Variants in GLIS3 observed in about 807,000 individuals in gnomAD.
The protein encoded by GLIS3 is GLIS family zinc finger 3, also known as zinc finger protein GLIS3.
A neutral mutation model predicts 78.6 loss-of-function variants in GLIS3; 53 were observed. That is an observed-to-expected ratio of 0.67 (90% CI 0.54 to 0.85). GLIS3 has a LOEUF of 0.85. Among genes scored for constraint, GLIS3 ranks in the 40% least tolerant of loss-of-function variants. The pLI is 0.00. For missense variants in GLIS3, 1,703 were observed against 1,231.1 expected (o/e 1.38, Z -5.74); for synonymous variants, 684 against 509.9 (o/e 1.34, Z -4.60).
chr9:4,242,820 A>C (rs959888199), intron 2 of GLIS3, among the ~76,000 whole-genome samples: 1 of 152,226 alleles, frequency 6.6e-6, no homozygotes, highest in Non-Finnish European at 1.5e-5. Flanking sequence ...ATAGTATTTT[A>C]GATAAAAATG....
intron 2 of GLIS3, among the ~76,000 whole-genome samples, chr9:4,218,558 G>A (rs1036831423): frequency 5.3e-5 from 8 of 152,318 alleles, no homozygotes; most frequent in South Asian, 2.1e-4. Context: ...GATTACAGGC[G>A]TGAGCCACCG....
intron 4 of GLIS3, among the ~76,000 whole-genome samples, chr9:4,010,973 A>C (rs554812471): frequency 5.3e-5 from 8 of 152,270 alleles, no homozygotes; most frequent in African/African-American, 1.9e-4. Flanking sequence ...ATTTATTTTT[A>C]AAAAATTGCA....
At chr9:3,941,288 C>G (rs747993105) in intron 4 of GLIS3, among the ~76,000 whole-genome samples, 3 of 152,040 alleles carry the variant, frequency 2.0e-5, no homozygotes, top group African/African-American at 7.2e-5. Context: ...CACAGCAGGG[C>G]AAAAAGGACA....
intron 2 of GLIS3, among the ~76,000 whole-genome samples, chr9:4,325,210 C>A (rs906250697): frequency 6.6e-6 from 1 of 152,160 alleles, no homozygotes; most frequent in South Asian, 2.1e-4. Context: ...CAAATACAAT[C>A]ACATTTTTTC....
intron 4 of GLIS3, among the ~76,000 whole-genome samples, chr9:4,094,859 C>T (rs1193532865): frequency 6.6e-6 from 1 of 152,038 alleles, no homozygotes; most frequent in African/African-American, 2.4e-5. Flanking sequence ...AAGATATTTG[C>T]TATATATCAA....
chr9:4,187,521 A>C (rs1817918205), intron 2 of GLIS3, among the ~76,000 whole-genome samples: 1 of 152,128 alleles, frequency 6.6e-6, no homozygotes, highest in African/African-American at 2.4e-5. Context: ...AGTTTTTTCC[A>C]ATTCTGTGAA....
At chr9:3,933,453 A>G (rs897240089) in intron 5 of GLIS3, among the ~76,000 whole-genome samples, 2 of 152,236 alleles carry the variant, frequency 1.3e-5, no homozygotes, top group Non-Finnish European at 2.9e-5. Flanking sequence ...CCTTAAACTT[A>G]TCAAAAGTTT....
In GLIS3 at chr9:4,190,513, C is replaced by T. The variant is rs1242025233; in HGVS notation, c.389-64572G>A. The stretch of plus-strand genomic sequence containing the variant: ...AATAAAAACAAACGAACAAAACCTC[C>T]AAGAAATATGGGACTATGTGAAAAG... On this transcript the variant is annotated intron_variant, in intron 2 of 10. Transcript: ENST00000381971. Among the ~76,000 whole-genome samples the T allele has an allele frequency of 1.5e-5, 2 of 134,614 alleles. 1 individual carries two copies. Among genetic ancestry groups the T allele is most frequent in the Non-Finnish European group, 3.3e-5 (2 of 59,850 alleles). 88.3% of individuals were successfully genotyped at this position (134,614 alleles called of 152,430 possible).
chr9:4,222,066 A>G (rs1744881860), intron 2 of GLIS3, among the ~76,000 whole-genome samples: 1 of 152,174 alleles, frequency 6.6e-6, no homozygotes, highest in Non-Finnish European at 1.5e-5. Flanking sequence ...GGGAGCATCC[A>G]GATTTATCTG....
At chr9:4,315,273 C>G (rs1009704447) in intron 2 of GLIS3, among the ~76,000 whole-genome samples, 22 of 152,122 alleles carry the variant, frequency 1.4e-4, no homozygotes, top group African/African-American at 5.3e-4. Flanking sequence ...GCTGACCCAA[C>G]ATGATGTTGA....
the GLIS3 span, among the ~76,000 whole-genome samples, chr9:4,355,559 G>A: frequency 3.3e-5 from 5 of 152,160 alleles, no homozygotes; most frequent in Non-Finnish European, 7.4e-5. Flanking sequence ...ACACCTCATA[G>A]CCCAGGAACT....
the GLIS3 span, among the ~76,000 whole-genome samples, chr9:4,422,614 C>A: frequency 6.6e-6 from 1 of 152,188 alleles, no homozygotes; most frequent in Non-Finnish European, 1.5e-5. Context: ...GCACTGGGGA[C>A]ACAACATCTC....
intron 2 of GLIS3, among the ~76,000 whole-genome samples, chr9:4,268,206 C>T (rs560724299): frequency 9.3e-5 from 14 of 151,324 alleles, no homozygotes; most frequent in African/African-American, 3.4e-4. Flanking sequence ...TTAGTTTTTT[C>T]ATTTGTAAAA....
chr9:3,867,211 C>T (rs1794535769), intron 8 of GLIS3, among the ~76,000 whole-genome samples: 1 of 152,126 alleles, frequency 6.6e-6, no homozygotes, highest in South Asian at 2.1e-4. Flanking sequence ...GTCGGGGAAG[C>T]CAGTTTAGCA....
chr9:4,298,613 G>A (rs957048215), intron 1 of GLIS3: 5 of 226,694 alleles, frequency 2.2e-5, no homozygotes, highest in Admixed American at 1.1e-4. Context: ...GACTGGAGCC[G>A]CGCGCAGGAC....
intron 6 of GLIS3, among the ~76,000 whole-genome samples, chr9:3,908,706 G>GTTTTTTTTTTTTTTTTTTTTTTTTTTT (rs34789708): frequency 1.2e-5 from 1 of 85,552 alleles, no homozygotes; most frequent in African/African-American, 5.4e-5. Flanking sequence ...ATTTGTATTT[G>GTTTTTTTTTTTTTTTTTTTTTTTTTTT]TTTTTTTTTT....
At chr9:4,355,160 AAG>A in the GLIS3 span, among the ~76,000 whole-genome samples, 100 of 152,034 alleles carry the variant, frequency 6.6e-4, no homozygotes, top group African/African-American at 2.3e-3. Context: ...AAAAAGAAAA[AAG>A]AGAGAGAGTT....
intron 4 of GLIS3, among the ~76,000 whole-genome samples, chr9:4,045,748 C>T (rs1588528531): frequency 6.6e-6 from 1 of 152,162 alleles, no homozygotes; most frequent in South Asian, 2.1e-4. Flanking sequence ...AAATTAAACA[C>T]AGTCTCGCAA....
At chr9:4,078,750 C>G (rs1355083544) in intron 4 of GLIS3, among the ~76,000 whole-genome samples, 2 of 152,154 alleles carry the variant, frequency 1.3e-5, no homozygotes, top group East Asian at 1.9e-4. Context: ...AAACTCTGCC[C>G]TAGCTTAAAG....
Sources: allele counts gnomAD v4.1 joint callset (sites outside exome capture counted in the v4.1 genomes callset), GRCh38; gene constraint gnomAD v4.1.1; transcripts MANE v1.5; gene names NCBI Gene and HGNC (gene_info 2026-07-23, HGNC 2026-07-21).